CTNNA2: variants seen among roughly 807,000 people sequenced by gnomAD.
CTNNA2 encodes the protein catenin alpha 2.
In CTNNA2, 42 loss-of-function variants were observed where a neutral mutation model predicts 101.0. That is an observed-to-expected ratio of 0.42 (90% CI 0.32 to 0.54). The LOEUF (loss-of-function observed/expected upper bound fraction) is 0.54. CTNNA2 is among the 20% of genes least tolerant of loss of function. The probability of loss-of-function intolerance (pLI) is 0.14; values close to 1 mark genes in which losing one functional copy is unlikely to be tolerated. For missense variants in CTNNA2, 871 were observed against 1,223.1 expected, an observed-to-expected ratio of 0.71 and a Z score of 4.29; for synonymous variants, 450 against 456.4, an observed-to-expected ratio of 0.99 and a Z score of 0.18.
chr2:80,125,200 G>C (rs1702048079), intron 7 of CTNNA2, among the ~76,000 whole-genome samples: 1 of 152,112 alleles, frequency 6.6e-6, no homozygotes, highest in Non-Finnish European at 1.5e-5. Flanking sequence ...TTTTACAGCA[G>C]AGGAAGATGT....
intron 7 of CTNNA2, among the ~76,000 whole-genome samples, chr2:80,387,051 G>C (rs769650816): frequency 2.0e-5 from 3 of 152,100 alleles, no homozygotes; most frequent in Non-Finnish European, 2.9e-5. Context: ...TTTTCTGGGA[G>C]GCCAAGGTGG....
At chr2:79,937,886 G>GT (rs1574359087) in intron 7 of CTNNA2, among the ~76,000 whole-genome samples, 1 of 152,166 alleles carries the variant, frequency 6.6e-6, no homozygotes, top group African/African-American at 2.4e-5. Context: ...GATGAAGAAA[G>GT]TTTTTGTTTT....
At chr2:80,571,881 A>C (rs1221486879) in intron 12 of CTNNA2, among the ~76,000 whole-genome samples, 2 of 152,110 alleles carry the variant, frequency 1.3e-5, no homozygotes, top group East Asian at 1.9e-4. Flanking sequence ...GGTTTTGTAT[A>C]ATTTTCTTCT....
chr2:79,245,827 C>A (rs917397386), intron 2 of CTNNA2, among the ~76,000 whole-genome samples: 2 of 152,150 alleles, frequency 1.3e-5, no homozygotes, highest in Admixed American at 6.5e-5. Context: ...CAGGTGCAAA[C>A]CCTGGTCTTG....
rs118101238 is a variant in CTNNA2 at position 79,663,174 on chromosome 2, C to G, written c.102+11516C>G. ...GATCTGCCACTTTCCAACTCTGCTGCTAAAGTCCTGGTTCCAAACACAAGT... is the reference window on the plus strand; with the variant it reads ...GATCTGCCACTTTCCAACTCTGCTGGTAAAGTCCTGGTTCCAAACACAAGT... On this transcript the variant is annotated intron_variant, in intron 2 of 18. Transcript: ENST00000402739. Among the ~76,000 whole-genome samples, 7 of 152,276 alleles carry G rather than the reference C, an allele frequency of 4.6e-5. No homozygotes were observed. The East Asian group carries it at 7.7e-4, about 17-fold the overall frequency.
chr2:79,782,094 T>C (rs1289373028), intron 3 of CTNNA2, among the ~76,000 whole-genome samples: 1 of 152,192 alleles, frequency 6.6e-6, no homozygotes, highest in East Asian at 1.9e-4. Context: ...TTTAGTGGCA[T>C]TTATTGCTTA....
At chr2:80,166,313 C>T (rs1704691549) in intron 7 of CTNNA2, among the ~76,000 whole-genome samples, 1 of 152,170 alleles carries the variant, frequency 6.6e-6, no homozygotes, top group African/African-American at 2.4e-5. Context: ...TCTACTTTCC[C>T]ATCTCCAAGA....
At chr2:80,599,821 T>C (rs2149763483) in intron 15 of CTNNA2, among the ~76,000 whole-genome samples, 1 of 152,188 alleles carries the variant, frequency 6.6e-6, no homozygotes, top group Admixed American at 6.5e-5. Flanking sequence ...ACGTGCACAA[T>C]GTGCCGATTA....
intron 14 of CTNNA2, among the ~76,000 whole-genome samples, chr2:80,582,046 A>C (rs1695587679): frequency 6.6e-6 from 1 of 152,128 alleles, no homozygotes. Flanking sequence ...CTGGAAACAT[A>C]GCAACCACAT....
chr2:79,678,067 G>A (rs1683304257), intron 2 of CTNNA2, among the ~76,000 whole-genome samples: 1 of 152,126 alleles, frequency 6.6e-6, no homozygotes, highest in African/African-American at 2.4e-5. Flanking sequence ...ATTCTTTAAG[G>A]TCTGGAAAGG....
chr2:80,170,225 CTCTCTCTGTGTG>C (rs1309234607), intron 7 of CTNNA2, among the ~76,000 whole-genome samples: 2,066 of 151,084 alleles, frequency 0.014, 49 homozygotes, highest in African/African-American at 0.048. Flanking sequence ...CTCTCTCTCT[CTCTCTCTGTGTG>C]TGTGTGTGTG....
chr2:79,890,655 T>C (rs923885180), intron 6 of CTNNA2, among the ~76,000 whole-genome samples: 2 of 151,842 alleles, frequency 1.3e-5, no homozygotes, highest in Non-Finnish European at 2.9e-5. Context: ...CTCTTAGTTT[T>C]GGCATCTGTT....
chr2:79,503,156 C>G (rs1191161552), intron 4 of CTNNA2, among the ~76,000 whole-genome samples: 1 of 152,080 alleles, frequency 6.6e-6, no homozygotes, highest in Non-Finnish European at 1.5e-5. Flanking sequence ...GCTTCCAGTG[C>G]CTCTTCTAGC....
At chr2:80,598,474 G>A (rs1439353130) in intron 15 of CTNNA2, among the ~76,000 whole-genome samples, 3 of 151,264 alleles carry the variant, frequency 2.0e-5, no homozygotes, top group Non-Finnish European at 3.0e-5. Context: ...AAAAAAAAAA[G>A]AATCTCAAAA....
At chr2:80,217,078 C>T (rs911986195) in intron 7 of CTNNA2, among the ~76,000 whole-genome samples, 1 of 151,986 alleles carries the variant, frequency 6.6e-6, no homozygotes, top group Admixed American at 6.6e-5. Flanking sequence ...GTGATCTGCC[C>T]ACCTCGGCCT....
At chr2:80,093,793 T>C (rs557332370) in intron 7 of CTNNA2, among the ~76,000 whole-genome samples, 174 of 152,358 alleles carry the variant, frequency 1.1e-3, no homozygotes, top group Non-Finnish European at 2.1e-3. Context: ...TTTGGCTGCA[T>C]AAATGTCTTC....
At chr2:80,604,235 G>C in intron 16 of CTNNA2, 56 bp downstream of exon 16, 2 of 1,425,330 alleles carry the variant, frequency 1.4e-6, no homozygotes, top group Non-Finnish European at 2.0e-6. Flanking sequence ...ATTAGCACTT[G>C]GGTTTTGTAA....
chr2:80,047,834 TC>T, intron 7 of CTNNA2, among the ~76,000 whole-genome samples: 1 of 152,134 alleles, frequency 6.6e-6, no homozygotes, highest in East Asian at 1.9e-4. Context: ...GAAGACAATT[TC>T]CCAGGTCAAA....
chr2:79,720,737 A>G (rs182995949), intron 2 of CTNNA2, among the ~76,000 whole-genome samples: 112 of 152,238 alleles, frequency 7.4e-4, no homozygotes, highest in African/African-American at 2.6e-3. Flanking sequence ...CATATCCAGG[A>G]ACCTTGCTAA....
Sources: allele counts gnomAD v4.1 joint callset (sites outside exome capture counted in the v4.1 genomes callset), GRCh38; gene constraint gnomAD v4.1.1; transcripts MANE v1.5; gene names NCBI Gene and HGNC (gene_info 2026-07-23, HGNC 2026-07-21).